Variants in CMIP observed in about 807,000 individuals in gnomAD.
CMIP encodes the protein c-Maf inducing protein.
Under a neutral mutation model 97.3 loss-of-function variants are expected in CMIP, and 13 were observed. That is an observed-to-expected ratio of 0.13 (90% CI 0.09 to 0.21). The LOEUF is 0.21. Ranked by LOEUF, CMIP falls within the 10% of genes least tolerant of loss-of-function variation. The pLI, the probability that CMIP is intolerant of heterozygous loss-of-function variation, is 1.00. For missense variants in CMIP, 847 were observed against 1,024.9 expected (o/e 0.83, Z 2.37); for synonymous variants, 538 against 436.3 (o/e 1.23, Z -2.91).
intron 3 of CMIP, among the ~76,000 whole-genome samples, chr16:81,638,259 G>A (rs2092261621): frequency 6.6e-6 from 1 of 152,212 alleles, no homozygotes; most frequent in Admixed American, 6.5e-5. Context: ...AACGTGGGAT[G>A]TTGCATTCAC....
chr16:81,495,384 C>G (rs2089470358), intron 1 of CMIP: 7 of 1,540,216 alleles, frequency 4.5e-6, no homozygotes, highest in South Asian at 1.2e-5. Context: ...ATGGCATAAC[C>G]GTTTGAGAAC....
chr16:81,466,755 T>A (rs1378932888), intron 1 of CMIP, among the ~76,000 whole-genome samples: 1 of 152,182 alleles, frequency 6.6e-6, no homozygotes, highest in African/African-American at 2.4e-5. Context: ...CAGCGCCGTT[T>A]CCCTGGGAGA....
intron 10 of CMIP, among the ~76,000 whole-genome samples, chr16:81,691,445 C>G (rs1292683087): frequency 6.6e-6 from 1 of 152,172 alleles, no homozygotes; most frequent in Non-Finnish European, 1.5e-5. Flanking sequence ...GGGCAAAGTT[C>G]AGCCTAAAAC....
At position 81,614,157 on chromosome 16, in the gene CMIP, A is replaced by C. The variant is rs1234448928; in HGVS notation, c.426+6465A>C. Among the ~76,000 whole-genome samples, 4 of 152,176 alleles carry C rather than the reference A, an allele frequency of 2.6e-5. No individual in the cohort carries two copies. Among genetic ancestry groups the C allele is most frequent in the African/African-American group, 9.7e-5 (4 of 41,428 alleles). ...GGACCTGAAGTGTAAGTAGGAGTCC[A>C]GCGGGCAGCGGAGAGAAGGGGGTGA... On this transcript the variant is annotated intron_variant, in intron 2 of 20. Transcript: ENST00000537098. The surrounding 1 kb of genome is among the most constrained non-coding windows in gnomAD (Gnocchi z 5.3).
At chr16:81,585,334 C>G (rs1260277958) in intron 1 of CMIP, among the ~76,000 whole-genome samples, 2 of 152,136 alleles carry the variant, frequency 1.3e-5, no homozygotes, top group Non-Finnish European at 2.9e-5. Flanking sequence ...GAGTAAGACT[C>G]TGTCTCAAAA....
At chr16:81,522,927 G>GT (rs914360220) in intron 1 of CMIP, among the ~76,000 whole-genome samples, 42 of 150,950 alleles carry the variant, frequency 2.8e-4, no homozygotes, top group Non-Finnish European at 2.7e-4. Flanking sequence ...TTTGTATATG[G>GT]TTTTTTTTTC....
At chr16:81,651,415 C>T (rs557356705) in intron 3 of CMIP, 10 of 979,914 alleles carry the variant, frequency 1.0e-5, no homozygotes, top group Admixed American at 1.2e-4. Context: ...TTCGACACAG[C>T]GCCCAAGCAA....
At chr16:81,506,085 CGTT>C in intron 1 of CMIP, among the ~76,000 whole-genome samples, 1 of 152,346 alleles carries the variant, frequency 6.6e-6, no homozygotes, top group African/African-American at 2.4e-5. Flanking sequence ...AGTTTACACA[CGTT>C]GTCTCTATTC....
intron 3 of CMIP, chr16:81,645,859 A>C (rs1462242704): frequency 9.2e-6 from 5 of 544,840 alleles, no homozygotes; most frequent in African/African-American, 3.8e-5. Flanking sequence ...TGAAATAGTC[A>C]CAGCAAGCCT....
chr16:81,606,379 T>C (rs1294714227), intron 1 of CMIP, among the ~76,000 whole-genome samples: 2 of 152,196 alleles, frequency 1.3e-5, no homozygotes, highest in Non-Finnish European at 2.9e-5. Flanking sequence ...CTGTTATTCT[T>C]CTCAGCTGTG....
rs959245447 is a variant in CMIP, at chr16:81,453,598, C to T, written c.300+8057C>T. Among the ~76,000 whole-genome samples the T allele has an allele frequency of 2.6e-5, 4 of 152,282 alleles. No homozygotes were observed. The highest frequency in any genetic ancestry group is 1.9e-4 in the East Asian group (1 of 5,180). ...TGACCCTGTTTACCAACACACACAC[C>T]GGTGCGAGGCTCTGCAGGGAAGGAG... On this transcript the variant is annotated intron_variant, in intron 1 of 20. Transcript: ENST00000537098. The surrounding 1 kb of genome is among the most constrained non-coding windows in gnomAD (Gnocchi z 4.0).
chr16:81,496,120 G>A (rs1240876042), intron 1 of CMIP, among the ~76,000 whole-genome samples: 1 of 152,158 alleles, frequency 6.6e-6, no homozygotes, highest in Non-Finnish European at 1.5e-5. Context: ...TTTTTCATCT[G>A]TAGAATGGGG....
intron 1 of CMIP, among the ~76,000 whole-genome samples, chr16:81,585,424 A>T (rs1186297211): frequency 7.2e-5 from 11 of 152,206 alleles, no homozygotes; most frequent in Admixed American, 7.2e-4. Flanking sequence ...ATCTAGTTCC[A>T]CAATATTCTC....
intron 1 of CMIP, chr16:81,476,579 A>G (rs1204600896): frequency 5.8e-6 from 3 of 520,650 alleles, no homozygotes; most frequent in East Asian, 4.1e-5. Flanking sequence ...TGTTTCCTAG[A>G]TTGTAAAGTT....
chr16:81,446,164 C>T (rs1205921973), intron 1 of CMIP, among the ~76,000 whole-genome samples: 2 of 151,870 alleles, frequency 1.3e-5, no homozygotes, highest in Non-Finnish European at 2.9e-5. Context: ...GGGCAGTGGT[C>T]CTGGAATATC....
At chr16:81,599,286 C>G (rs1039765332) in intron 1 of CMIP, among the ~76,000 whole-genome samples, 1 of 152,238 alleles carries the variant, frequency 6.6e-6, no homozygotes, top group South Asian at 2.1e-4. Context: ...AGAGTGTGAA[C>G]GGCATTTGAG....
At chr16:81,476,517 C>T in intron 1 of CMIP, 2 of 675,054 alleles carry the variant, frequency 3.0e-6, no homozygotes, top group East Asian at 3.2e-5. Context: ...TGGGGTTGAC[C>T]ATGGCTGATA....
chr16:81,604,213 G>T (rs1193111224), intron 1 of CMIP, among the ~76,000 whole-genome samples: 1 of 151,654 alleles, frequency 6.6e-6, no homozygotes, highest in African/African-American at 2.4e-5. Context: ...GGCCAACATG[G>T]TGAAACCCCA....
intron 3 of CMIP, among the ~76,000 whole-genome samples, chr16:81,649,360 G>A (rs943462556): frequency 6.6e-6 from 1 of 152,260 alleles, no homozygotes; most frequent in Admixed American, 6.5e-5. Context: ...CGACCCCGAG[G>A]GCTCGTGTCT....
Sources: allele counts gnomAD v4.1 joint callset (sites outside exome capture counted in the v4.1 genomes callset), GRCh38; gene constraint gnomAD v4.1.1; non-coding constraint Gnocchi (gnomAD v3.1); transcripts MANE v1.5; gene names NCBI Gene and HGNC (gene_info 2026-07-23, HGNC 2026-07-21).